The following TP63 variants were observed in gnomAD, a reference collection of about 807,000 sequenced individuals.
TP63 encodes the protein tumor protein p63.
TP63 carries 17 observed loss-of-function variants against 82.8 expected under a neutral mutation model. The ratio of observed to expected loss-of-function variants is 0.21; its 90% CI spans 0.14 to 0.31. TP63 has a LOEUF of 0.31. TP63 is among the 10% of genes least tolerant of loss of function. The probability of loss-of-function intolerance (pLI) is 1.00; values close to 1 mark genes in which losing one functional copy is unlikely to be tolerated. For missense variants in TP63, 648 were observed against 895.3 expected (o/e 0.72, Z 3.52); for synonymous variants, 330 against 321.7 (o/e 1.03, Z -0.28).
chr3:189,770,469 G>A (rs867050524), intron 3 of TP63, among the ~76,000 whole-genome samples: 3 of 152,020 alleles, frequency 2.0e-5, no homozygotes, highest in South Asian at 4.2e-4. Context: ...GGGGGCTGAG[G>A]CAGGAGGATT....
intron 1 of TP63, among the ~76,000 whole-genome samples, chr3:189,671,464 T>C (rs1714886318): frequency 6.6e-6 from 1 of 152,126 alleles, no homozygotes; most frequent in Non-Finnish European, 1.5e-5. Flanking sequence ...ACAGCCATTA[T>C]GGAAAAGAGT....
intron 10 of TP63, among the ~76,000 whole-genome samples, chr3:189,874,290 G>A (rs772828711): frequency 3.9e-5 from 6 of 152,040 alleles, no homozygotes; most frequent in East Asian, 1.9e-4. Context: ...CAGGCTGGTC[G>A]CGAACTCCTG....
intron 1 of TP63, among the ~76,000 whole-genome samples, chr3:189,693,795 C>A (rs187626377): frequency 6.6e-6 from 1 of 152,098 alleles, no homozygotes; most frequent in African/African-American, 2.4e-5. Flanking sequence ...GATTAACTCA[C>A]GGTGCCTGGT....
intron 10 of TP63, among the ~76,000 whole-genome samples, chr3:189,878,385 C>CTT (rs1203096619): frequency 2.6e-3 from 279 of 107,714 alleles, no homozygotes; most frequent in African/African-American, 6.8e-3. Context: ...TTACAGTTTC[C>CTT]TTTTTTTTTT....
Position 189,896,951 on chromosome 3 carries a change from C to A in TP63, c.*2449C>A, listed in dbSNP as rs1721519840. The A allele has an allele frequency of 8.8e-6, 2 of 226,758 alleles. No individual in the cohort carries two copies. The highest frequency in any genetic ancestry group is 1.8e-5 in the Non-Finnish European group (2 of 114,018). 14.0% of individuals were successfully genotyped at this position (226,758 alleles called of 1,614,324 possible). A position where few individuals can be genotyped will look rare whatever the true frequency, so the allele number is the denominator to read the frequency against. ...GACGTTTATAAACAGAAATGGAAAG[C>A]AGAGTTTTCATTAAATCCTTTTACC... is the stretch of plus-strand genomic sequence containing the variant. On this transcript the variant is annotated 3_prime_UTR_variant, in exon 14 of 14. Transcript: ENST00000264731.
chr3:189,677,007 T>G, intron 1 of TP63, among the ~76,000 whole-genome samples: 1 of 136,312 alleles, frequency 7.3e-6, no homozygotes, highest in Non-Finnish European at 1.6e-5. Flanking sequence ...AAATCTCCAG[T>G]GTCTATTATT....
At chr3:189,692,160 G>T (rs748894701) in intron 1 of TP63, among the ~76,000 whole-genome samples, 2 of 152,140 alleles carry the variant, frequency 1.3e-5, no homozygotes, top group Non-Finnish European at 2.9e-5. Flanking sequence ...AAACTTACCT[G>T]AGTTTACCTC....
chr3:189,887,547 A>T (rs916475514), intron 11 of TP63, among the ~76,000 whole-genome samples: 1 of 152,212 alleles, frequency 6.6e-6, no homozygotes, highest in African/African-American at 2.4e-5. Context: ...CTTTACTATA[A>T]ATATAATTAT....
chr3:189,864,300 G>C lies in TP63; in HGVS notation c.648G>C (p.Met216Ile), dbSNP rs767553568. The C allele has an allele frequency of 3.7e-6, 6 of 1,614,040 alleles. No homozygotes were observed. Among genetic ancestry groups the C allele is most frequent in the Middle Eastern group, 3.3e-4 (2 of 6,084 alleles). ...AKTCPIQIKV[M>I]TPPPQGAVIR... is the part of the protein sequence containing the mutation. ...CATGCCCCATCCAGATCAAGGTGAT[G>C]ACCCCACCTCCTCAGGGAGCTGTTA... Residue 216 changes from methionine (M) to isoleucine (I), a missense_variant, in exon 5 of 14, where the codon ATG becomes ATC. Physicochemically the swap from Met to Ile is conservative, Grantham distance 10 (BLOSUM62 1). This residue lies in a region of TP63 where 64 missense variants were observed against 144.2 expected (regional missense o/e 0.44). Coordinates refer to ENST00000264731, the MANE Select transcript of TP63 (RefSeq NM_003722.5).
At chr3:189,830,802 G>A (rs1375992028) in intron 4 of TP63, among the ~76,000 whole-genome samples, 1 of 152,176 alleles carries the variant, frequency 6.6e-6, no homozygotes, top group Non-Finnish European at 1.5e-5. Context: ...TTGGGACTTT[G>A]AAGGAGGAAG....
chr3:189,771,662 G>A (rs1043813513), intron 3 of TP63, among the ~76,000 whole-genome samples: 2 of 151,578 alleles, frequency 1.3e-5, no homozygotes, highest in African/African-American at 4.8e-5. Context: ...TTGGGCACAC[G>A]TGGCAGTATA....
chr3:189,877,655 G>A (rs1269787431), intron 10 of TP63, among the ~76,000 whole-genome samples: 2 of 152,154 alleles, frequency 1.3e-5, no homozygotes, highest in African/African-American at 4.8e-5. Flanking sequence ...ACACAAGTCA[G>A]AGATTATTAG....
intron 3 of TP63, among the ~76,000 whole-genome samples, chr3:189,802,698 T>C (rs938567605): frequency 6.6e-6 from 1 of 152,156 alleles, no homozygotes. Context: ...ATCACTAGGA[T>C]CCATACAGGA....
At chr3:189,813,431 G>A (rs1420484270) in intron 4 of TP63, among the ~76,000 whole-genome samples, 1 of 151,734 alleles carries the variant, frequency 6.6e-6, no homozygotes, top group Non-Finnish European at 1.5e-5. Context: ...TGTAGGGGCG[G>A]TGTTTCTTTG....
the TP63 span, among the ~76,000 whole-genome samples, chr3:189,597,209 GA>G: frequency 6.6e-6 from 1 of 152,202 alleles, no homozygotes; most frequent in Non-Finnish European, 1.5e-5. Context: ...AGAGAGACTG[GA>G]CAGCCTTCAC....
intron 4 of TP63, among the ~76,000 whole-genome samples, chr3:189,837,175 G>A (rs953436175): frequency 6.6e-6 from 1 of 151,658 alleles, no homozygotes; most frequent in Non-Finnish European, 1.5e-5. Flanking sequence ...CCTTCTGCAT[G>A]CCCTGTCTCC....
intron 4 of TP63, among the ~76,000 whole-genome samples, chr3:189,856,483 A>G (rs904849653): frequency 1.3e-5 from 2 of 151,984 alleles, no homozygotes; most frequent in South Asian, 4.1e-4. Flanking sequence ...TTCTAGTTCA[A>G]AAAAATAGCA....
intron 3 of TP63, among the ~76,000 whole-genome samples, chr3:189,767,602 G>A (rs1381003201): frequency 6.6e-6 from 1 of 152,016 alleles, no homozygotes; most frequent in Non-Finnish European, 1.5e-5. Context: ...AACTCCTCTG[G>A]AACAATATGA....
chr3:189,821,928 T>G (rs1049023481), intron 4 of TP63, among the ~76,000 whole-genome samples: 1 of 152,224 alleles, frequency 6.6e-6, no homozygotes, highest in Admixed American at 6.5e-5. Flanking sequence ...TGGCTCTTCT[T>G]GAAAGCAGGG....
Sources: gnomAD v4.1 joint callset for allele counts (sites outside exome capture counted in the v4.1 genomes callset) on GRCh38, gnomAD v4.1.1 for gene constraint, gnomAD v4.1.1 regional missense constraint, MANE v1.5 for transcripts, NCBI Gene and HGNC (gene_info 2026-07-23, HGNC 2026-07-21) for gene names.